NIN: variants seen among roughly 807,000 people sequenced by gnomAD.
The protein encoded by NIN is ninein.
Under a neutral mutation model 257.6 loss-of-function variants are expected in NIN, and 137 were observed. That is an observed-to-expected ratio of 0.53 (90% CI 0.46 to 0.61). NIN has a LOEUF of 0.61. NIN is among the 20% of genes least tolerant of loss of function. The pLI, the probability that NIN is intolerant of heterozygous loss-of-function variation, is 0.00. For synonymous variants in NIN, 918 were observed against 919.8 expected, an observed-to-expected ratio of 1.00 and a Z score of 0.04; for missense variants, 2,439 against 2,501.2, an observed-to-expected ratio of 0.98 and a Z score of 0.53.
chr14:50,796,349 G>C (rs901785862), intron 4 of NIN, among the ~76,000 whole-genome samples: 1 of 152,196 alleles, frequency 6.6e-6, no homozygotes, highest in South Asian at 2.1e-4. Flanking sequence ...TTGGTTATGA[G>C]CAGGGGACAG....
intron 24 of NIN, 140 bp downstream of exon 24, chr14:50,743,276 C>A: frequency 3.3e-6 from 2 of 613,992 alleles, no homozygotes; most frequent in South Asian, 1.8e-5. Context: ...ACTATAAACA[C>A]ACATCAAACA....
intron 12 of NIN, 109 bp downstream of exon 12, chr14:50,770,279 G>A (rs2042676686): frequency 1.8e-6 from 2 of 1,138,868 alleles, no homozygotes; most frequent in African/African-American, 1.6e-5. Flanking sequence ...GGCAAACTTG[G>A]AGGATTTTTG....
Position 50,777,035 on chromosome 14 carries a change from A to G in NIN, c.580T>C (p.Leu194=). 1 of 1,614,224 alleles carries G rather than the reference A, an allele frequency of 6.2e-7. No homozygotes were observed. The highest frequency in any genetic ancestry group is 8.5e-7 in the Non-Finnish European group (1 of 1,180,040). Residue 194 remains leucine, a synonymous_variant, in exon 7 of 31, where the codon TTG becomes CTG. Transcript: ENST00000530997. The stretch of plus-strand genomic sequence containing the variant: ...AGGTGACCATCACGGGTGATCCCCA[A>G]ATCTTCACAAACTTCTTGCAGTTTC... ...EEKLQEVCED[L]GITRDGHLNR...
chr14:50,827,336 TCA>T (rs1458408873), intron 2 of NIN, among the ~76,000 whole-genome samples: 2 of 152,260 alleles, frequency 1.3e-5, no homozygotes, highest in Admixed American at 1.3e-4. Flanking sequence ...TCCTCTCTGC[TCA>T]GTGTCTCACT....
intron 7 of NIN, among the ~76,000 whole-genome samples, chr14:50,775,091 C>T (rs1047723522): frequency 3.3e-5 from 5 of 152,134 alleles, no homozygotes; most frequent in South Asian, 2.1e-4. Context: ...CAGAAAGTAG[C>T]GAGTGCTGGG....
intron 5 of NIN, 112 bp downstream of exon 5, chr14:50,792,600 G>A (rs2043645893): frequency 5.4e-6 from 6 of 1,117,840 alleles, no homozygotes; most frequent in East Asian, 4.7e-5. Context: ...GTTGGTAACT[G>A]AGAAAAGCCC....
chr14:50,772,590 A>C (rs1566831987), intron 8 of NIN, 122 bp from the exon 9 acceptor site: 2 of 835,196 alleles, frequency 2.4e-6, no homozygotes, highest in Non-Finnish European at 3.8e-6. Context: ...GCCAGGAAAA[A>C]AGTCATGCAG....
At chr14:50,738,838 T>G (rs950952819) in intron 26 of NIN, among the ~76,000 whole-genome samples, 3 of 152,190 alleles carry the variant, frequency 2.0e-5, no homozygotes, top group Non-Finnish European at 4.4e-5. Flanking sequence ...TAAATATCAT[T>G]GGGAGACTAT....
chr14:50,727,102 A>T (rs911075665), intron 29 of NIN: 4 of 316,038 alleles, frequency 1.3e-5, no homozygotes, highest in Non-Finnish European at 1.8e-5. Context: ...AAAAAATAAT[A>T]GCTTTTTAAA....
intron 25 of NIN, among the ~76,000 whole-genome samples, chr14:50,740,352 CTT>C (rs58542931): frequency 8.8e-5 from 12 of 135,660 alleles, no homozygotes; most frequent in Non-Finnish European, 1.1e-4. Flanking sequence ...CCACAGCTGG[CTT>C]TTTTTTTTTT....
intron 14 of NIN, among the ~76,000 whole-genome samples, chr14:50,764,208 A>G (rs1014581277): frequency 2.6e-5 from 4 of 152,218 alleles, no homozygotes; most frequent in African/African-American, 9.6e-5. Context: ...ATCTGAATTG[A>G]TATTTCTCTA....
At position 50,792,758 on chromosome 14, in the gene NIN, T is replaced by A. The variant is rs985557043; in HGVS notation, c.389A>T (p.Asp130Val). 1.2e-6 allele frequency: 2 copies of A among 1,613,998 alleles called. No individual in the cohort carries two copies. Among genetic ancestry groups the A allele is most frequent in the Non-Finnish European group, 1.7e-6 (2 of 1,180,026 alleles). ...FPEVTVIEPL[D>V]EEARPSHIPA... ...GATGTGTGAAGGCCGCGCTTCTTCA[T>A]CCAGTGGCTCAATCACCGTCACTTC... Residue 130 changes from aspartate (D) to valine (V), a missense_variant, in exon 5 of 31, where the codon GAT (aspartate) becomes GTT (valine). Physicochemically the swap from Asp to Val is radical, Grantham distance 152 (BLOSUM62 -3). Around this residue, in one of 3 missense-constraint regions of NIN, gnomAD observed 387 missense variants for 427.3 expected, o/e 0.91. Coordinates refer to ENST00000530997, the MANE Select transcript of NIN (RefSeq NM_020921.4).
At chr14:50,726,096 A>C (rs2040400127) in intron 29 of NIN, 30 bp from the exon 30 acceptor site, 1 of 1,539,208 alleles carries the variant, frequency 6.5e-7, no homozygotes, top group African/African-American at 1.4e-5. Flanking sequence ...ATTATTCGAA[A>C]ATCATGTCAC....
rs919307067 is a variant in NIN, at chr14:50,810,670, AT to A, written c.184-3853del. Among the ~76,000 whole-genome samples the A allele has an allele frequency of 5.9e-5, 9 of 151,458 alleles. No individual in the cohort carries two copies. The East Asian group carries it at 1.2e-3, about 20-fold the overall frequency. On this transcript the variant is annotated intron_variant, in intron 3 of 30. Coordinates refer to ENST00000530997, the MANE Select transcript of NIN (RefSeq NM_020921.4). ...AAAACTCTATTTTTTTTAATTAATT[AT>A]TTTTTTTTGAGATGGAGTCTGGCTC...
chr14:50,735,957 T>G lies in NIN; in HGVS notation c.5776-340A>C, dbSNP rs571874170. ...TGAAATATCCTTACCATGGACCATG[T>G]ACTCTGATATTTTGTAGTATATTAA... is the stretch of plus-strand genomic sequence containing the variant. On this transcript the variant is annotated intron_variant, in intron 27 of 30. Transcript: ENST00000530997. 2.6e-5 allele frequency among the ~76,000 whole-genome samples: 4 copies of G among 152,314 alleles called. No homozygotes were observed. The South Asian group carries it at 8.3e-4, about 32-fold the overall frequency.
chr14:50,810,984 C>T (rs544364205), intron 3 of NIN, among the ~76,000 whole-genome samples: 10 of 151,996 alleles, frequency 6.6e-5, no homozygotes, highest in Admixed American at 5.9e-4. Flanking sequence ...CTAAAAACTA[C>T]ATAAACTATA....
intron 26 of NIN, among the ~76,000 whole-genome samples, 157 bp from the exon 27 acceptor site, chr14:50,738,443 T>C (rs991080424): frequency 4.6e-5 from 7 of 152,232 alleles, no homozygotes; most frequent in African/African-American, 1.7e-4. Context: ...TTTCTGGATT[T>C]CAAAAGACCC....
At chr14:50,820,224 T>C (rs1472419115) in intron 3 of NIN, among the ~76,000 whole-genome samples, 3 of 152,238 alleles carry the variant, frequency 2.0e-5, no homozygotes, top group East Asian at 3.9e-4. Context: ...TTCAGGCAAA[T>C]AGCAAGCGTC....
At chr14:50,770,592 A>G in intron 11 of NIN, 30 bp from the exon 12 acceptor site, 1 of 1,609,740 alleles carries the variant, frequency 6.2e-7, no homozygotes, top group Non-Finnish European at 8.5e-7. Flanking sequence ...ACAAGCTGCC[A>G]TCACGTCTTT....
Sources: allele counts gnomAD v4.1 joint callset (sites outside exome capture counted in the v4.1 genomes callset), GRCh38; gene constraint gnomAD v4.1.1; regional missense constraint gnomAD v4.1.1; transcripts MANE v1.5; gene names NCBI Gene and HGNC (gene_info 2026-07-23, HGNC 2026-07-21).